FGD1: variants seen among roughly 807,000 people sequenced by gnomAD.
FGD1 encodes FYVE, RhoGEF and PH domain containing 1.
In FGD1, 12 loss-of-function variants were observed where a neutral mutation model predicts 65.0. The observed-to-expected ratio is 0.18, with a 90% confidence interval of 0.12 to 0.30. The LOEUF is 0.30. FGD1 is among the 10% of genes least tolerant of loss of function. FGD1 has a pLI of 1.00. For synonymous variants in FGD1, 333 were observed against 343.9 expected, an observed-to-expected ratio of 0.97 and a Z score of 0.35; for missense variants, 542 against 837.6, an observed-to-expected ratio of 0.65 and a Z score of 4.36.
chrX:54,469,833 TTAC>T (rs1922841689), intron 4 of FGD1, among the ~76,000 whole-genome samples, 180 bp downstream of exon 4: 1 of 111,879 alleles, frequency 8.9e-6, no homozygotes, highest in Non-Finnish European at 1.9e-5. Flanking sequence ...ACTTTCCGTA[TTAC>T]AAATAAGGAA....
intron 1 of FGD1, among the ~76,000 whole-genome samples, chrX:54,485,295 A>C (rs1227408630): frequency 6.4e-5 from 7 of 110,021 alleles, no homozygotes; most frequent in African/African-American, 1.3e-4. Context: ...CCGTAAGCAA[A>C]CCCCCTCACT....
rs143882053 is a variant in FGD1, at chrX:54,446,361, G to A, written c.2634C>T (p.Pro878=). ...TTCTGTCAGGCCGCTCCCCTGCCTC[G>A]GGCGGTCCCACCTCGAAGCCAATGA... ...LPLIGFEVGP[P]EAGERPDRRH... is the part of the protein sequence containing the mutation. The change falls in exon 18 of 18, where the codon CCC becomes CCT. Residue 878 remains proline, a synonymous_variant. Coordinates refer to ENST00000375135, the MANE Select transcript of FGD1 (RefSeq NM_004463.3). 45 of 1,209,440 alleles carry A rather than the reference G, an allele frequency of 3.7e-5. No individual in the cohort carries two copies. The African/African-American group carries it at 5.1e-4, about 14-fold the overall frequency.
chrX:54,494,429 C>G (rs1195104507), intron 1 of FGD1, among the ~76,000 whole-genome samples: 1 of 83,558 alleles, frequency 1.2e-5, no homozygotes, highest in Non-Finnish European at 2.2e-5. Flanking sequence ...TTTTTTTTTC[C>G]GCTCATACTC....
rs758692665 is a variant in FGD1, at chrX:54,455,789, G to A, written c.1843-5C>T. On this transcript the variant is annotated splice_polypyrimidine_tract_variant and splice_region_variant and intron_variant, in intron 10 of 17. Transcript: ENST00000375135. ...GTAAAGGAGGCGGTCGTTGAACTAGGAAGGAAAAAGTTTGGGATGTATGTG... is the reference window on the plus strand; with the variant it reads ...GTAAAGGAGGCGGTCGTTGAACTAGAAAGGAAAAAGTTTGGGATGTATGTG... 5.1e-6 allele frequency: 6 copies of A among 1,170,449 alleles called. No homozygotes were observed. The highest frequency in any genetic ancestry group is 6.9e-6 in the Non-Finnish European group (6 of 871,223).
chrX:54,474,499 A>G (rs923772634), intron 1 of FGD1, among the ~76,000 whole-genome samples: 6 of 112,664 alleles, frequency 5.3e-5, no homozygotes, highest in Non-Finnish European at 9.4e-5. Context: ...CCCAGGCCCC[A>G]GGCCGAGCGC....
chrX:54,455,653 C>T, intron 11 of FGD1, 39 bp downstream of exon 11: 1 of 1,127,746 alleles, frequency 8.9e-7, no homozygotes, highest in Non-Finnish European at 1.2e-6. Context: ...CACCAATGCC[C>T]CACTCCAAGT....
intron 1 of FGD1, among the ~76,000 whole-genome samples, chrX:54,475,064 C>T (rs1052362945): frequency 8.9e-6 from 1 of 112,240 alleles, no homozygotes; most frequent in Non-Finnish European, 1.9e-5. Context: ...TTTCCATGGC[C>T]CTGCCCTAGC....
intron 8 of FGD1, among the ~76,000 whole-genome samples, chrX:54,457,972 GCTT>G (rs1196466882): frequency 1.8e-5 from 2 of 112,151 alleles, no homozygotes; most frequent in African/African-American, 6.5e-5. Context: ...GAGCAGAGGT[GCTT>G]CTGAAGGAGG....
At chrX:54,475,696 G>T (rs947988414) in intron 1 of FGD1, among the ~76,000 whole-genome samples, 1 of 112,383 alleles carries the variant, frequency 8.9e-6, no homozygotes, top group African/African-American at 3.2e-5. Context: ...ATGAACTTAC[G>T]TACAGTCCAG....
chrX:54,472,828 G>A (rs1922926575), intron 1 of FGD1, among the ~76,000 whole-genome samples: 1 of 111,288 alleles, frequency 9.0e-6, no homozygotes, highest in East Asian at 2.8e-4. Context: ...AAGAGAGTGA[G>A]CAGTAGTCAA....
intron 1 of FGD1, among the ~76,000 whole-genome samples, chrX:54,481,708 G>A (rs181546029): frequency 2.8e-5 from 3 of 107,046 alleles, no homozygotes; most frequent in Non-Finnish European, 3.8e-5. Flanking sequence ...CCAGGATGGG[G>A]TGTGTTTTTT....
intron 12 of FGD1, among the ~76,000 whole-genome samples, chrX:54,452,724 C>T (rs2098913986): frequency 9.0e-6 from 1 of 110,984 alleles, no homozygotes; most frequent in Admixed American, 9.6e-5. Context: ...CTGGCCTGGG[C>T]GACAGAGTGA....
chrX:54,468,735 G>T, intron 5 of FGD1, 52 bp downstream of exon 5: 1 of 909,421 alleles, frequency 1.1e-6, no homozygotes, highest in Non-Finnish European at 1.6e-6. Flanking sequence ...CTGCCTCCTT[G>T]AAACGCACCT....
intron 12 of FGD1, among the ~76,000 whole-genome samples, chrX:54,452,332 G>A (rs999369910): frequency 1.9e-5 from 2 of 106,666 alleles, no homozygotes; most frequent in Admixed American, 1.0e-4. Flanking sequence ...TCATGCTGAA[G>A]TGTATAGGGG....
chrX:54,470,245 G>A lies in FGD1; in HGVS notation c.872C>T (p.Pro291Leu). The stretch of plus-strand genomic sequence containing the variant: ...GAAGCAGGTCTCCTCGCTGTTGGAT[G>A]GCGAGCTGATGCTATCAATGCCGCT... ...RDSGIDSISS[P>L]SNSEETCFVS... The change falls in exon 4 of 18, where the codon CCA (proline) becomes CTA (leucine). Residue 291 changes from proline (P) to leucine (L), a missense_variant. Pro to Leu is a moderately conservative substitution (Grantham distance 98). Transcript: ENST00000375135. 1.7e-6 allele frequency: 2 copies of A among 1,203,175 alleles called. No homozygotes were observed. Among genetic ancestry groups the A allele is most frequent in the Non-Finnish European group, 1.1e-6 (1 of 891,592 alleles).
chrX:54,456,779 C>T (rs1922513778), intron 8 of FGD1, among the ~76,000 whole-genome samples: 1 of 110,344 alleles, frequency 9.1e-6, no homozygotes, highest in South Asian at 3.9e-4. Context: ...ACTACAGGCA[C>T]GTGCCACCAT....
At chrX:54,475,035 G>C in intron 1 of FGD1, among the ~76,000 whole-genome samples, 1 of 111,869 alleles carries the variant, frequency 8.9e-6, no homozygotes, top group Non-Finnish European at 1.9e-5. Flanking sequence ...CCTCGGGATG[G>C]AGTGACCATA....
At chrX:54,467,964 C>T in intron 5 of FGD1, 32 bp from the exon 6 acceptor site, 1 of 1,162,642 alleles carries the variant, frequency 8.6e-7, no homozygotes, top group East Asian at 3.2e-5. Flanking sequence ...CTCAGCCCAG[C>T]TGGGCCTGGG....
intron 16 of FGD1, among the ~76,000 whole-genome samples, chrX:54,447,841 G>A (rs1459335752): frequency 8.9e-6 from 1 of 111,945 alleles, no homozygotes; most frequent in Admixed American, 9.5e-5. Context: ...GTTTTAAGGG[G>A]GTATGTGGGT....
Sources: allele counts gnomAD v4.1 joint callset (sites outside exome capture counted in the v4.1 genomes callset), GRCh38; gene constraint gnomAD v4.1.1; transcripts MANE v1.5; gene names NCBI Gene and HGNC (gene_info 2026-07-23, HGNC 2026-07-21).